The following GSTO2 variants were observed in gnomAD, a reference collection of about 807,000 sequenced individuals.
GSTO2 encodes glutathione S-transferase omega-2.
GSTO2 carries 23 observed loss-of-function variants against 28.4 expected under a neutral mutation model. That is an observed-to-expected ratio of 0.81 (90% CI 0.58 to 1.15). GSTO2 has a LOEUF of 1.15. Among genes scored for constraint, GSTO2 ranks in the 50% most tolerant of loss-of-function variants. GSTO2 has a pLI of 0.00. For missense variants in GSTO2, 298 were observed against 297.8 expected, an observed-to-expected ratio of 1.00 and a Z score of 0.00; for synonymous variants, 109 against 111.0, an observed-to-expected ratio of 0.98 and a Z score of 0.11.
In GSTO2 at chr10:104,288,816, A is replaced by G. The variant is rs552008910; in HGVS notation, c.469-8762A>G. ...GAAAAGATATTTGACTGGTTTTAAA[A>G]CACATTTTTGTTTTCTTTTGACTTT... On this transcript the variant is annotated intron_variant, in intron 5 of 6. Transcript: ENST00000338595. Among the ~76,000 whole-genome samples the G allele has an allele frequency of 2.6e-5, 4 of 152,286 alleles. No homozygotes were observed. In the East Asian group the frequency reaches 5.8e-4, roughly 22 times the overall value.
chr10:104,285,713 C>A lies in GSTO2; in HGVS notation c.468+6242C>A, dbSNP rs573040062. Among the ~76,000 whole-genome samples the A allele has an allele frequency of 2.0e-5, 3 of 152,216 alleles. No homozygotes were observed. In the East Asian group the frequency reaches 5.8e-4, roughly 29 times the overall value. ...GAACTCCTAGGCTCAAGTGATTCTC[C>A]CACTTCAGCCTCCCAAAGTGCTATG... is the stretch of plus-strand genomic sequence containing the variant. On this transcript the variant is annotated intron_variant, in intron 5 of 6. Transcript: ENST00000338595.
chr10:104,278,038 T>C lies in GSTO2; in HGVS notation c.288T>C (p.Ala96=), dbSNP rs2011751760. Reference sequence around the variant, plus strand: ...TTGCTTGTGAGTACCTGGATGATGCTTATCCAGGAAGGAAGCTGTTTCCAT... The same window carrying C: ...TTGCTTGTGAGTACCTGGATGATGCCTATCCAGGAAGGAAGCTGTTTCCAT... ...SVIACEYLDD[A]YPGRKLFPYD... Residue 96 remains alanine (A), a synonymous_variant, in exon 4 of 7, where the codon GCT becomes GCC. Transcript: ENST00000338595. 1 of 1,614,064 alleles carries C rather than the reference T, an allele frequency of 6.2e-7. No individual in the cohort carries two copies. Among genetic ancestry groups the C allele is most frequent in the Non-Finnish European group, 8.5e-7 (1 of 1,180,034 alleles).
chr10:104,274,237 C>A (rs180744676), intron 1 of GSTO2, among the ~76,000 whole-genome samples: 1 of 152,222 alleles, frequency 6.6e-6, no homozygotes, highest in Non-Finnish European at 1.5e-5. Context: ...TTTTTCAGAG[C>A]TTGGGTAAAA....
At chr10:104,287,235 T>C (rs747188327) in intron 5 of GSTO2, among the ~76,000 whole-genome samples, 1 of 152,072 alleles carries the variant, frequency 6.6e-6, no homozygotes, top group East Asian at 1.9e-4. Flanking sequence ...TTTTTAACTT[T>C]TGTAGAGACA....
chr10:104,276,393 G>A (rs529450578), intron 3 of GSTO2, among the ~76,000 whole-genome samples: 4 of 152,288 alleles, frequency 2.6e-5, no homozygotes, highest in South Asian at 4.1e-4. Flanking sequence ...TTAGGTCAGC[G>A]TTTCTCAAAC....
intron 5 of GSTO2, 24 bp from the exon 6 acceptor site, chr10:104,297,554 C>T: frequency 6.8e-7 from 1 of 1,470,966 alleles, no homozygotes. Context: ...AACTTATTTG[C>T]TTTTGCTTTG....
chr10:104,283,659 G>A (rs570125818), intron 5 of GSTO2, among the ~76,000 whole-genome samples: 1 of 152,248 alleles, frequency 6.6e-6, no homozygotes, highest in East Asian at 1.9e-4. Context: ...TAACTACAAT[G>A]TAGGAAATAT....
intron 5 of GSTO2, among the ~76,000 whole-genome samples, chr10:104,281,522 G>T (rs1339874618): frequency 6.6e-6 from 1 of 152,182 alleles, no homozygotes. Flanking sequence ...CTAGATGAAA[G>T]TATAGGGTTA....
rs1424336932 is a variant in GSTO2 at position 104,274,776 on chromosome 10, A to G, written c.-140A>G. Reference sequence around the variant, plus strand: ...CCAGATCGCTTCCCCGTGCCCCGCCAGAGCCCAGTAGTTCAAAAATTAAAT... The same window carrying G: ...CCAGATCGCTTCCCCGTGCCCCGCCGGAGCCCAGTAGTTCAAAAATTAAAT... On this transcript the variant is annotated 5_prime_UTR_variant, in exon 2 of 7. Transcript: ENST00000338595. 2.0e-6 allele frequency: 2 copies of G among 1,024,406 alleles called. No individual in the cohort carries two copies. Among genetic ancestry groups the G allele is most frequent in the East Asian group, 2.7e-5 (1 of 37,018 alleles). The allele number at this position is 1,024,406 out of a possible 1,614,324, so 63.5% of individuals were successfully genotyped here. A position where few individuals can be genotyped will look rare whatever the true frequency, so the allele number is the denominator to read the frequency against.
intron 4 of GSTO2, among the ~76,000 whole-genome samples, 190 bp from the exon 5 acceptor site, chr10:104,279,180 T>C (rs1477946830): frequency 6.6e-6 from 1 of 152,142 alleles, no homozygotes; most frequent in African/African-American, 2.4e-5. Flanking sequence ...CAGGGTACTA[T>C]AAGAAGTAGA....
Position 104,303,289 on chromosome 10 carries a change from A to G in GSTO2, c.*4005A>G, listed in dbSNP as rs1279559447. The G allele has an allele frequency of 6.6e-6, 1 of 152,216 alleles. No individual in the cohort carries two copies. Among genetic ancestry groups the G allele is most frequent in the East Asian group, 1.9e-4 (1 of 5,192 alleles). 9.4% of individuals were successfully genotyped at this position (152,216 alleles called of 1,614,324 possible). A position where few individuals can be genotyped will look rare whatever the true frequency, so the allele number is the denominator to read the frequency against. ...TTGTGACCAAAATGCCAGTAGTGAT[A>G]TGGACAGTGAAGGCCAGGCTGAGGA... On this transcript the variant is annotated 3_prime_UTR_variant, in exon 7 of 7. Transcript: ENST00000338595.
In GSTO2 at chr10:104,272,534, T is replaced by C. The variant is rs147730852; in HGVS notation, c.-231-2151T>C. Among the ~76,000 whole-genome samples, 216 of 150,390 alleles carry C rather than the reference T, an allele frequency of 1.4e-3. 6 individuals are homozygous for C. The East Asian group carries it at 0.04, about 28-fold the overall frequency. ...CTAGTTGAGAAGTGCTTAACTATGC[T>C]AGTCTCAGTTTACTCATCTTTTAAA... On this transcript the variant is annotated intron_variant, in intron 1 of 6. Transcript: ENST00000338595.
At chr10:104,272,586 A>ATTTTTTTTTTTTTTTTTTTT (rs1564841555) in intron 1 of GSTO2, among the ~76,000 whole-genome samples, 2 of 56,930 alleles carry the variant, frequency 3.5e-5, no homozygotes, top group East Asian at 6.5e-4. Flanking sequence ...CAGTTATGGG[A>ATTTTTTTTTTTTTTTTTTTT]CTTTTTTTTT....
intron 5 of GSTO2, among the ~76,000 whole-genome samples, chr10:104,281,470 C>T (rs1276978329): frequency 6.6e-6 from 1 of 152,150 alleles, no homozygotes; most frequent in Non-Finnish European, 1.5e-5. Flanking sequence ...TTCCCTTCTA[C>T]CTCCATTTGG....
intron 5 of GSTO2, among the ~76,000 whole-genome samples, chr10:104,287,163 C>A (rs1269138658): frequency 6.6e-6 from 1 of 152,190 alleles, no homozygotes; most frequent in African/African-American, 2.4e-5. Flanking sequence ...AGGGAGCCTC[C>A]CAACTCAGTC....
At chr10:104,281,952 G>A (rs985894166) in intron 5 of GSTO2, among the ~76,000 whole-genome samples, 6 of 152,118 alleles carry the variant, frequency 3.9e-5, no homozygotes, top group Non-Finnish European at 5.9e-5. Flanking sequence ...TAATCAGTGA[G>A]GGGTTGACAG....
rs1267139480 is a variant in GSTO2, at chr10:104,302,525, G to A, written c.*3241G>A. 1 of 152,274 alleles carries A rather than the reference G, an allele frequency of 6.6e-6. No individual in the cohort carries two copies. Among genetic ancestry groups the A allele is most frequent in the Non-Finnish European group, 1.5e-5 (1 of 68,086 alleles). 9.4% of individuals were successfully genotyped at this position (152,274 alleles called of 1,614,324 possible). A position where few individuals can be genotyped will look rare whatever the true frequency, so the allele number is the denominator to read the frequency against. ...GAGCATGATGGGGCAGGGCTTGTGT[G>A]GCTGGGACAGCTGGCTATGGTCGTG... On this transcript the variant is annotated 3_prime_UTR_variant, in exon 7 of 7. Coordinates refer to ENST00000338595, the MANE Select transcript of GSTO2 (RefSeq NM_183239.2).
chr10:104,296,528 T>C (rs1051432883), intron 5 of GSTO2: 1 of 149,994 alleles, frequency 6.7e-6, no homozygotes, highest in African/African-American at 2.5e-5. Flanking sequence ...GGTGGAAGGA[T>C]TGCTTGAGCC....
At chr10:104,294,067 A>G (rs1458786146) in intron 5 of GSTO2, among the ~76,000 whole-genome samples, 1 of 152,190 alleles carries the variant, frequency 6.6e-6, no homozygotes, top group East Asian at 1.9e-4. Context: ...CTCAAGAGTC[A>G]AATTCAAGGC....
Sources: allele counts gnomAD v4.1 joint callset (sites outside exome capture counted in the v4.1 genomes callset), GRCh38; gene constraint gnomAD v4.1.1; transcripts MANE v1.5; gene names NCBI Gene and HGNC (gene_info 2026-07-23, HGNC 2026-07-21).